The following LMLN variants were observed in gnomAD, a reference collection of about 807,000 sequenced individuals.
LMLN encodes the protein leishmanolysin-like peptidase.
In LMLN, 70 loss-of-function variants were observed where a neutral mutation model predicts 92.3. The observed-to-expected ratio is 0.76, with a 90% CI of 0.63 to 0.92. LMLN has a LOEUF of 0.92. Among genes scored for constraint, LMLN ranks in the 40% least tolerant of loss-of-function variants. The pLI is 0.00. For synonymous variants in LMLN, 308 were observed against 296.2 expected (o/e 1.04, Z -0.41); for missense variants, 691 against 814.6 (o/e 0.85, Z 1.85).
chr3:198,021,784 C>T (rs886147544), intron 13 of LMLN, among the ~76,000 whole-genome samples, 179 bp downstream of exon 14: 1 of 152,118 alleles, frequency 6.6e-6, no homozygotes, highest in African/African-American at 2.4e-5. Context: ...TTCATCTGTA[C>T]GATGGAGGCA....
At chr3:197,977,027 A>T (rs533085564) in intron 5 of LMLN, among the ~76,000 whole-genome samples, 1 of 152,350 alleles carries the variant, frequency 6.6e-6, no homozygotes, top group South Asian at 2.1e-4. Flanking sequence ...TTGTTAAAGG[A>T]CAGTCTGACA....
chr3:197,978,272 T>C (rs1247213144), intron 5 of LMLN, among the ~76,000 whole-genome samples: 1 of 152,250 alleles, frequency 6.6e-6, no homozygotes, highest in Non-Finnish European at 1.5e-5. Context: ...TGCTTTTCTT[T>C]CATAAGTTAT....
At chr3:198,001,711 A>C (rs1345015943) in intron 11 of LMLN, among the ~76,000 whole-genome samples, 2 of 152,180 alleles carry the variant, frequency 1.3e-5, no homozygotes, top group African/African-American at 4.8e-5. Flanking sequence ...ACAGGAGAGA[A>C]GTTTTGGAAG....
At chr3:198,015,861 A>C (rs968875455) in intron 11 of LMLN, among the ~76,000 whole-genome samples, 3 of 152,204 alleles carry the variant, frequency 2.0e-5, no homozygotes, top group Admixed American at 6.5e-5. Context: ...ATCTTCCAGG[A>C]ATTAGAAGTG....
intron 8 of LMLN, among the ~76,000 whole-genome samples, chr3:197,987,885 G>A (rs1485696293): frequency 6.6e-6 from 1 of 151,568 alleles, no homozygotes; most frequent in African/African-American, 2.4e-5. Context: ...ATTAAAAGAT[G>A]GTATCTCATT....
At chr3:197,962,614 A>G (rs754283355) in intron 1 of LMLN, among the ~76,000 whole-genome samples, 4 of 152,236 alleles carry the variant, frequency 2.6e-5, no homozygotes, top group East Asian at 1.9e-4. Context: ...TGGTTGCTGC[A>G]TATCCTCACC....
In LMLN at chr3:198,025,360, A is replaced by G. The variant is rs947932879; in HGVS notation, c.1656+572A>G. ...TAGAAATCCAAAAAGGGCAAACTAC[A>G]ATTTTTTTTCCTTTTTCTTTTTCTT... On this transcript the variant is annotated intron_variant, in intron 14 of 15. Transcript: ENST00000330198. The surrounding 1 kb of genome is among the most constrained non-coding windows in gnomAD (Gnocchi z 4.3). 6.6e-6 allele frequency among the ~76,000 whole-genome samples: 1 copy of G among 152,100 alleles called. No homozygotes were observed. The highest frequency in any genetic ancestry group is 2.4e-5 in the African/African-American group (1 of 41,420).
chr3:198,036,641 A>G (rs988878628), intron 15 of LMLN, among the ~76,000 whole-genome samples: 3 of 152,198 alleles, frequency 2.0e-5, no homozygotes, highest in Non-Finnish European at 2.9e-5. Context: ...ACAGATGCCA[A>G]TTAAACCCTT....
At position 198,038,927 on chromosome 3, in the gene LMLN, AGCAACCCAACCACCTCG is replaced by A. The variant is rs1186827285; in HGVS notation, c.*261_*277del. On this transcript the variant is annotated 3_prime_UTR_variant, in exon 16 of 16. Coordinates refer to ENST00000330198, the Ensembl canonical transcript of LMLN. ...TCGTCAGCAACCCAACCACCTCGTC[AGCAACCCAACCACCTCG>A]TCAGCAACCCAGCCACCTTCATCAG... 81 of 357,004 alleles carry A rather than the reference AGCAACCCAACCACCTCG, an allele frequency of 2.3e-4. No homozygotes were observed. In the East Asian group the frequency reaches 3.7e-3, roughly 16 times the overall value. 22.1% of individuals were successfully genotyped at this position (357,004 alleles called of 1,614,324 possible). A position where few individuals can be genotyped will look rare whatever the true frequency, so the allele number is the denominator to read the frequency against.
chr3:197,980,469 T>C (rs375476800), exon 6 of LMLN: 4 of 1,614,074 alleles, frequency 2.5e-6, no homozygotes, highest in East Asian at 4.5e-5. Flanking sequence ...TCATCTCTTA[T>C]GCAGCCTATT....
intron 12 of LMLN, among the ~76,000 whole-genome samples, chr3:198,020,939 A>C (rs913286524): frequency 6.6e-6 from 1 of 151,810 alleles, no homozygotes; most frequent in East Asian, 1.9e-4. Context: ...TTAATTTTAA[A>C]AAAAAGGAAC....
intron 11 of LMLN, among the ~76,000 whole-genome samples, chr3:198,015,394 C>T (rs1329492422): frequency 2.1e-5 from 2 of 95,158 alleles, no homozygotes; most frequent in Admixed American, 1.0e-4. Flanking sequence ...CTCCACCCTT[C>T]AGAGCCCCCT....
intron 11 of LMLN, among the ~76,000 whole-genome samples, chr3:198,002,469 GGCTC>G (rs2109904185): frequency 6.6e-6 from 1 of 152,362 alleles, no homozygotes; most frequent in East Asian, 1.9e-4. Context: ...TGGGCACAGT[GGCTC>G]ATACCTGCAA....
intron 11 of LMLN, among the ~76,000 whole-genome samples, chr3:198,016,426 C>T (rs961415047): frequency 6.6e-6 from 1 of 152,284 alleles, no homozygotes; most frequent in South Asian, 2.1e-4. Context: ...TCAAATTTTG[C>T]TGCTTATGAA....
At chr3:198,003,206 A>G (rs1352151986) in intron 11 of LMLN, 81 bp downstream of exon 12, 24 of 823,494 alleles carry the variant, frequency 2.9e-5, no homozygotes, top group Non-Finnish European at 4.0e-5. Flanking sequence ...CTAAAATGCT[A>G]TTTTCAAAAT....
intron 9 of LMLN, 147 bp downstream of exon 9, chr3:197,990,823 G>A (rs892479228): frequency 1.1e-4 from 55 of 519,142 alleles, no homozygotes; most frequent in South Asian, 2.7e-4. Flanking sequence ...ATGAAGCTAC[G>A]GGCCACGAGA....
chr3:198,019,113 C>T lies in LMLN; in HGVS notation c.1233-140C>T, dbSNP rs1363648191. The stretch of plus-strand genomic sequence containing the variant: ...AGGGCAGAGGGGACATTGCCTCCAT[C>T]TCTTTCCAAGAATCCCATTTGTTAA... On this transcript the variant is annotated intron_variant, in intron 11 of 15. Transcript: ENST00000330198. This position sits in a 1 kb window ranked among gnomAD's most constrained non-coding sequence, Gnocchi z 5.5. 1.6e-5 allele frequency: 13 copies of T among 802,774 alleles called. No individual in the cohort carries two copies. Among genetic ancestry groups the T allele is most frequent in the Admixed American group, 3.1e-5 (1 of 32,594 alleles). 49.7% of individuals were successfully genotyped at this position (802,774 alleles called of 1,614,324 possible). A position where few individuals can be genotyped will look rare whatever the true frequency, so the allele number is the denominator to read the frequency against.
intron 8 of LMLN, among the ~76,000 whole-genome samples, chr3:197,988,236 C>T (rs1364030976): frequency 1.3e-5 from 2 of 151,632 alleles, no homozygotes; most frequent in East Asian, 1.9e-4. Flanking sequence ...TTCCTGCCTC[C>T]GTCTCTCAAG....
At chr3:198,021,950 T>C (rs1722795774) in intron 13 of LMLN, among the ~76,000 whole-genome samples, 1 of 152,232 alleles carries the variant, frequency 6.6e-6, no homozygotes, top group Non-Finnish European at 1.5e-5. Context: ...CAAAGCACTT[T>C]CATTCTTAAC....
Sources: allele counts gnomAD v4.1 joint callset (sites outside exome capture counted in the v4.1 genomes callset), GRCh38; gene constraint gnomAD v4.1.1; non-coding constraint Gnocchi (gnomAD v3.1); transcripts MANE v1.5; gene names NCBI Gene and HGNC (gene_info 2026-07-23, HGNC 2026-07-21).